Variants in CEP128 observed in about 807,000 individuals in gnomAD.
CEP128 encodes centrosomal protein 128.
Under a neutral mutation model 156.7 loss-of-function variants are expected in CEP128, and 132 were observed. The observed-to-expected ratio is 0.84, with a 90% CI of 0.73 to 0.97. CEP128 has a LOEUF of 0.97. Ranked by LOEUF, CEP128 falls within the 50% of genes least tolerant of loss-of-function variation. The pLI is 0.00. For missense variants in CEP128, 1,252 were observed against 1,281.9 expected, an observed-to-expected ratio of 0.98 and a Z score of 0.36; for synonymous variants, 469 against 448.9, an observed-to-expected ratio of 1.04 and a Z score of -0.57.
intron 23 of CEP128, among the ~76,000 whole-genome samples, chr14:80,511,566 T>G (rs1888259899): frequency 6.6e-6 from 1 of 152,008 alleles, no homozygotes; most frequent in South Asian, 2.1e-4. Flanking sequence ...TAGTTGATAT[T>G]TTGTATTTTT....
At chr14:80,736,896 C>T (rs1037920161) in intron 19 of CEP128, among the ~76,000 whole-genome samples, 2 of 152,176 alleles carry the variant, frequency 1.3e-5, no homozygotes, top group Non-Finnish European at 2.9e-5. Context: ...AATTCTGGTT[C>T]TAGGAATATT....
intron 23 of CEP128, among the ~76,000 whole-genome samples, chr14:80,511,036 G>C (rs939368753): frequency 4.2e-5 from 6 of 143,688 alleles, no homozygotes; most frequent in Non-Finnish European, 9.1e-5. Flanking sequence ...ATGTTCATCA[G>C]AGATATTGGC....
intron 4 of CEP128, among the ~76,000 whole-genome samples, chr14:80,909,371 TCA>T (rs36082524): frequency 2.3e-3 from 330 of 142,354 alleles, no homozygotes; most frequent in African/African-American, 4.9e-3. Flanking sequence ...AAGTGAATTT[TCA>T]CACACACACA....
At chr14:80,583,399 T>C (rs527972774) in intron 19 of CEP128, among the ~76,000 whole-genome samples, 1 of 152,242 alleles carries the variant, frequency 6.6e-6, no homozygotes, top group African/African-American at 2.4e-5. Context: ...ATGATTTCCA[T>C]GAAACTTTTG....
chr14:80,841,719 C>T (rs1388791468), intron 9 of CEP128, among the ~76,000 whole-genome samples: 1 of 151,918 alleles, frequency 6.6e-6, no homozygotes, highest in Non-Finnish European at 1.5e-5. Flanking sequence ...CGTCACTCAC[C>T]TACTTAGTGA....
chr14:80,940,511 A>G lies in CEP128; in HGVS notation c.-171-971T>C, dbSNP rs1005837975. 4.2e-5 allele frequency among the ~76,000 whole-genome samples: 6 copies of G among 142,518 alleles called. 1 individual carries two copies. The highest frequency in any genetic ancestry group is 8.1e-5 in the African/African-American group (3 of 37,058). 93.5% of individuals were successfully genotyped at this position (142,518 alleles called of 152,430 possible). On this transcript the variant is annotated intron_variant, in intron 1 of 24. Transcript: ENST00000555265. ...ACACAAGAGATTTTGATGACTTAAA[A>G]TATTTTTTTTTTTAATGTACAGCCA... is the stretch of plus-strand genomic sequence containing the variant.
At chr14:80,831,469 T>C (rs1420950923) in intron 12 of CEP128, among the ~76,000 whole-genome samples, 175 bp from the exon 13 acceptor site, 1 of 152,194 alleles carries the variant, frequency 6.6e-6, no homozygotes, top group East Asian at 1.9e-4. Context: ...TTCAAAAACA[T>C]ATACATTGCT....
intron 20 of CEP128, among the ~76,000 whole-genome samples, chr14:80,560,448 G>T (rs1298961957): frequency 5.3e-5 from 8 of 151,860 alleles, no homozygotes; most frequent in African/African-American, 1.2e-4. Flanking sequence ...TAAAATAAAA[G>T]AACTAGAGGA....
Position 80,784,914 on chromosome 14 carries a change from T to G in CEP128, c.2192A>C (p.Asn731Thr), listed in dbSNP as rs549373002. 1.2e-6 allele frequency: 2 copies of G among 1,611,720 alleles called. No individual in the cohort carries two copies. The highest frequency in any genetic ancestry group is 4.5e-5 in the East Asian group (2 of 44,898). The change falls in exon 15 of 25, where the codon AAT becomes ACT. Residue 731 changes from asparagine (N) to threonine (T), a missense_variant. Coordinates refer to ENST00000555265, the MANE Select transcript of CEP128 (RefSeq NM_152446.5). ...HFKKEKSEAE[N>T]HIRTLKAESL... ...AGGTACCTTCAGAGTCCTGATATGATTCTCAGCCTCACTCTTTTCTTTCTT... is the reference window on the plus strand; with the variant it reads ...AGGTACCTTCAGAGTCCTGATATGAGTCTCAGCCTCACTCTTTTCTTTCTT...
In CEP128 at chr14:80,914,420, A is replaced by T. The variant is rs1333588105; in HGVS notation, c.148-12T>A. 1 of 1,591,490 alleles carries T rather than the reference A, an allele frequency of 6.3e-7. No homozygotes were observed. Among genetic ancestry groups the T allele is most frequent in the Admixed American group, 1.7e-5 (1 of 59,910 alleles). ...TTCCGACTGGTATCCTTGAGAAAGAAAATGGACTGAATTAATTATTCCAAA... is the reference window on the plus strand; with the variant it reads ...TTCCGACTGGTATCCTTGAGAAAGATAATGGACTGAATTAATTATTCCAAA... On this transcript the variant is annotated splice_polypyrimidine_tract_variant and intron_variant, in intron 3 of 24. Transcript: ENST00000555265.
chr14:80,878,703 C>A (rs2139301728), intron 8 of CEP128, among the ~76,000 whole-genome samples: 1 of 152,286 alleles, frequency 6.6e-6, no homozygotes, highest in African/African-American at 2.4e-5. Flanking sequence ...GCTTCCCAAC[C>A]CCCTGGGCCT....
At chr14:80,815,846 G>C (rs531487567) in intron 13 of CEP128, among the ~76,000 whole-genome samples, 4 of 152,158 alleles carry the variant, frequency 2.6e-5, no homozygotes, top group African/African-American at 9.7e-5. Context: ...CAAATACTGC[G>C]TGTTCTCATT....
chr14:80,954,849 G>A (rs555599447), intron 2 of CEP128: 2 of 152,248 alleles, frequency 1.3e-5, no homozygotes, highest in Admixed American at 6.5e-5. Context: ...GGGTCGACCA[G>A]AATTTCCATA....
Position 80,761,428 on chromosome 14 carries a change from C to A in CEP128, c.2553+9G>T. ...GAAAATATAAGGTGCAATGAGAATT[C>A]ATAATTACTTTTAATTTCTCCACTG... On this transcript the variant is annotated intron_variant, in intron 17 of 24. Coordinates refer to ENST00000555265, the MANE Select transcript of CEP128 (RefSeq NM_152446.5). The A allele has an allele frequency of 6.4e-7, 1 of 1,570,450 alleles. No individual in the cohort carries two copies. The highest frequency in any genetic ancestry group is 2.3e-5 in the East Asian group (1 of 44,442).
intron 19 of CEP128, among the ~76,000 whole-genome samples, chr14:80,652,650 C>T (rs939008642): frequency 8.5e-5 from 13 of 152,144 alleles, no homozygotes; most frequent in Non-Finnish European, 1.6e-4. Flanking sequence ...TACCATCTCA[C>T]ACCAGGTAGA....
At chr14:80,861,195 G>C (rs548625882) in intron 9 of CEP128, among the ~76,000 whole-genome samples, 5 of 151,982 alleles carry the variant, frequency 3.3e-5, no homozygotes, top group South Asian at 4.1e-4. Context: ...TGTTTCATAT[G>C]AGTCAATAAT....
chr14:80,790,145 T>C (rs1901628389), intron 14 of CEP128, among the ~76,000 whole-genome samples: 2 of 152,110 alleles, frequency 1.3e-5, no homozygotes, highest in Admixed American at 6.6e-5. Flanking sequence ...TTTAAGATTC[T>C]TGAAGTCAAA....
At chr14:80,927,941 C>T (rs1005408377) in intron 2 of CEP128, among the ~76,000 whole-genome samples, 1 of 152,168 alleles carries the variant, frequency 6.6e-6, no homozygotes, top group African/African-American at 2.4e-5. Flanking sequence ...AACCTGCTCA[C>T]ACACCCAGCA....
intron 2 of CEP128, among the ~76,000 whole-genome samples, chr14:80,952,996 T>C (rs573193106): frequency 2.0e-5 from 3 of 152,294 alleles, no homozygotes; most frequent in Non-Finnish European, 4.4e-5. Flanking sequence ...AGAAACTGGA[T>C]TTATAGTTAA....
Sources: gnomAD v4.1 joint callset for allele counts (sites outside exome capture counted in the v4.1 genomes callset) on GRCh38, gnomAD v4.1.1 for gene constraint, MANE v1.5 for transcripts, NCBI Gene and HGNC (gene_info 2026-07-23, HGNC 2026-07-21) for gene names.